The following LDLRAD4 variants were observed in gnomAD, a reference collection of about 807,000 sequenced individuals.
The protein encoded by LDLRAD4 is low-density lipoprotein receptor class A domain-containing protein 4.
LDLRAD4 carries 5 observed loss-of-function variants against 17.0 expected under a neutral mutation model. The observed-to-expected ratio is 0.29, with a 90% CI of 0.15 to 0.62. The LOEUF is 0.62. Among genes scored for constraint, LDLRAD4 ranks in the 20% least tolerant of loss-of-function variants. The pLI is 0.84. For synonymous variants in LDLRAD4, 168 were observed against 171.8 expected (o/e 0.98, Z 0.17); for missense variants, 340 against 424.7 (o/e 0.80, Z 1.75).
chr18:13,585,305 G>A (rs1224026436), intron 3 of LDLRAD4: 1 of 152,116 alleles, frequency 6.6e-6, no homozygotes, highest in African/African-American at 2.4e-5. Context: ...AATACTGTAA[G>A]CTGCATGAAT....
At chr18:13,565,499 C>T (rs55820835) in intron 3 of LDLRAD4, among the ~76,000 whole-genome samples, 22,734 of 152,258 alleles carry the variant, frequency 0.15, 2,299 homozygotes, top group Non-Finnish European at 0.22. Context: ...GATAACAGCC[C>T]CTTGTCATCG....
At chr18:13,404,342 A>G (rs562987322) in intron 2 of LDLRAD4, among the ~76,000 whole-genome samples, 8 of 152,114 alleles carry the variant, frequency 5.3e-5, no homozygotes, top group Non-Finnish European at 1.0e-4. Context: ...CCGGATGCTC[A>G]ACAGAGTGGA....
At position 13,340,250 on chromosome 18, in the gene LDLRAD4, G is replaced by A. The variant is rs186709675; in HGVS notation, c.-382-47091G>A. ...AACATTGATGTACCCATGTGAGTTCGAGTCCTTGCTTTCAGTTCTTTTGAG... is the reference window on the plus strand; with the variant it reads ...AACATTGATGTACCCATGTGAGTTCAAGTCCTTGCTTTCAGTTCTTTTGAG... On this transcript the variant is annotated intron_variant, in intron 1 of 5. Transcript: ENST00000359446. Among the ~76,000 whole-genome samples the A allele has an allele frequency of 1.2e-4, 19 of 152,200 alleles. No individual in the cohort carries two copies. In the East Asian group the frequency reaches 2.9e-3, roughly 23 times the overall value.
intron 1 of LDLRAD4, among the ~76,000 whole-genome samples, chr18:13,311,867 T>C (rs978262603): frequency 8.0e-5 from 12 of 150,066 alleles, no homozygotes; most frequent in African/African-American, 2.9e-4. Context: ...AGTCTTGCTC[T>C]GTTGCCCAGG....
At chr18:13,585,491 A>C (rs1266317605) in intron 3 of LDLRAD4, 3 of 152,214 alleles carry the variant, frequency 2.0e-5, no homozygotes, top group African/African-American at 4.8e-5. Context: ...ACTAATGAGC[A>C]AGCAGGGTCA....
At chr18:13,380,712 T>G (rs559384083) in intron 1 of LDLRAD4, among the ~76,000 whole-genome samples, 1 of 152,366 alleles carries the variant, frequency 6.6e-6, no homozygotes, top group South Asian at 2.1e-4. Flanking sequence ...ATATAATTAT[T>G]GCTTTTCCTG....
intron 1 of LDLRAD4, among the ~76,000 whole-genome samples, chr18:13,226,180 C>CTCTTTTTTTTTTTTTTTTTTTTTTTT (rs71370946): frequency 1.9e-5 from 1 of 52,188 alleles, no homozygotes; most frequent in African/African-American, 7.8e-5. Context: ...CCATGCCTTG[C>CTCTTTTTTTTTTTTTTTTTTTTTTTT]TTTTTTTTTT....
At chr18:13,588,443 ATCTTTTTTC>A (rs1275638523) in intron 3 of LDLRAD4, among the ~76,000 whole-genome samples, 1 of 152,210 alleles carries the variant, frequency 6.6e-6, no homozygotes, top group African/African-American at 2.4e-5. Context: ...TTGGAATTTT[ATCTTTTTTC>A]AGTGAAATAT....
At chr18:13,414,560 T>C (rs1471478235) in intron 2 of LDLRAD4, among the ~76,000 whole-genome samples, 4 of 152,242 alleles carry the variant, frequency 2.6e-5, no homozygotes, top group African/African-American at 9.6e-5. Flanking sequence ...AAGTCCCCCA[T>C]TGTCACAAAT....
At chr18:13,477,362 CA>C (rs1263151632) in intron 3 of LDLRAD4, among the ~76,000 whole-genome samples, 4 of 152,198 alleles carry the variant, frequency 2.6e-5, no homozygotes, top group Non-Finnish European at 5.9e-5. Context: ...CATCCAGCAG[CA>C]GGTCCTCTGT....
intron 3 of LDLRAD4, among the ~76,000 whole-genome samples, chr18:13,452,368 G>C (rs1280648179): frequency 6.6e-6 from 1 of 152,138 alleles, no homozygotes; most frequent in African/African-American, 2.4e-5. Flanking sequence ...TGCCGTGGAG[G>C]GGGGCGAGGA....
At chr18:13,377,350 C>T (rs2084995968) in intron 1 of LDLRAD4, among the ~76,000 whole-genome samples, 1 of 152,208 alleles carries the variant, frequency 6.6e-6, no homozygotes, top group Non-Finnish European at 1.5e-5. Context: ...ATAACTTGGT[C>T]TGCCTCAATG....
upstream of LDLRAD4, among the ~76,000 whole-genome samples, chr18:13,277,619 A>G (rs896655718): frequency 2.0e-5 from 3 of 152,240 alleles, no homozygotes; most frequent in East Asian, 1.9e-4. Context: ...TGCCTCTTCC[A>G]TGAAATCAGA....
chr18:13,644,754 A>C, intron 5 of LDLRAD4: 1 of 202,500 alleles, frequency 4.9e-6, no homozygotes, highest in Non-Finnish European at 9.9e-6. Flanking sequence ...GACCAGATCC[A>C]AGTGCAGGCC....
chr18:13,319,650 A>G (rs760797914), intron 1 of LDLRAD4, among the ~76,000 whole-genome samples: 6 of 152,228 alleles, frequency 3.9e-5, no homozygotes, highest in Non-Finnish European at 8.8e-5. Context: ...TTATGGTAGT[A>G]ATAGCAGTTC....
intron 1 of LDLRAD4, among the ~76,000 whole-genome samples, chr18:13,272,953 A>T (rs2044650186): frequency 6.6e-6 from 1 of 152,094 alleles, no homozygotes; most frequent in Non-Finnish European, 1.5e-5. Flanking sequence ...TAGTCCTGTG[A>T]GAGAGAGAGA....
chr18:13,451,715 A>G (rs1174638085), intron 3 of LDLRAD4, among the ~76,000 whole-genome samples: 1 of 152,202 alleles, frequency 6.6e-6, no homozygotes, highest in East Asian at 1.9e-4. Flanking sequence ...GCTTGCATCC[A>G]GGCTCACAGA....
intron 3 of LDLRAD4, among the ~76,000 whole-genome samples, chr18:13,506,739 A>G (rs2093700166): frequency 6.6e-6 from 1 of 152,210 alleles, no homozygotes; most frequent in Non-Finnish European, 1.5e-5. Flanking sequence ...GCTTCAAAGG[A>G]CAGGCTAAAT....
intron 3 of LDLRAD4, among the ~76,000 whole-genome samples, chr18:13,496,612 G>A (rs564808303): frequency 1.6e-4 from 24 of 152,246 alleles, no homozygotes; most frequent in African/African-American, 4.1e-4. Flanking sequence ...CATCAGCACC[G>A]AACTGGGTCA....
Sources: gnomAD v4.1 joint callset for allele counts (sites outside exome capture counted in the v4.1 genomes callset) on GRCh38, gnomAD v4.1.1 for gene constraint, MANE v1.5 for transcripts, NCBI Gene and HGNC (gene_info 2026-07-23, HGNC 2026-07-21) for gene names.